The following ANGPT1 variants were observed in gnomAD, a reference collection of about 807,000 sequenced individuals.
ANGPT1 encodes angiopoietin-1.
ANGPT1 carries 17 observed loss-of-function variants against 62.2 expected under a neutral mutation model. That is an observed-to-expected ratio of 0.27 (90% CI 0.19 to 0.41). The LOEUF (loss-of-function observed/expected upper bound fraction) is 0.41, where lower values mean the gene tolerates loss of function less well. Ranked by LOEUF, ANGPT1 falls within the 10% of genes least tolerant of loss-of-function variation. ANGPT1 has a pLI of 1.00. For missense variants in ANGPT1, 478 were observed against 594.9 expected, an observed-to-expected ratio of 0.80 and a Z score of 2.04; for synonymous variants, 199 against 198.9, an observed-to-expected ratio of 1.00 and a Z score of 0.00.
At chr8:107,492,476 C>T (rs1033354398) in intron 1 of ANGPT1, among the ~76,000 whole-genome samples, 10 of 152,284 alleles carry the variant, frequency 6.6e-5, no homozygotes, top group African/African-American at 1.9e-4. Flanking sequence ...GCTGGGATTA[C>T]AGGCACACAC....
intron 8 of ANGPT1, among the ~76,000 whole-genome samples, chr8:107,254,304 CGTT>C (rs1665551647): frequency 6.6e-6 from 1 of 151,772 alleles, no homozygotes; most frequent in African/African-American, 2.4e-5. Context: ...TATTGTGAAA[CGTT>C]GTTACACAAT....
chr8:107,308,566 G>T lies in ANGPT1; in HGVS notation c.809-5199C>A, dbSNP rs570472814. On this transcript the variant is annotated intron_variant, in intron 4 of 8. Coordinates refer to ENST00000517746, the MANE Select transcript of ANGPT1 (RefSeq NM_001146.5). ...TGCAAGAATATACTCCTTCTGCCAGGTGGACACCAGGAAGGCTACCTAGAA... is the reference window on the plus strand; with the variant it reads ...TGCAAGAATATACTCCTTCTGCCAGTTGGACACCAGGAAGGCTACCTAGAA... Among the ~76,000 whole-genome samples, 11 of 152,204 alleles carry T rather than the reference G, an allele frequency of 7.2e-5. No individual in the cohort carries two copies. The East Asian group carries it at 1.4e-3, about 19-fold the overall frequency.
At chr8:107,418,230 T>C (rs1024619904) in intron 1 of ANGPT1, among the ~76,000 whole-genome samples, 3 of 152,206 alleles carry the variant, frequency 2.0e-5, no homozygotes, top group Non-Finnish European at 2.9e-5. Flanking sequence ...AGTAATTTAC[T>C]TTATCTTCTC....
At chr8:107,445,126 G>T (rs1811582995) in intron 1 of ANGPT1, among the ~76,000 whole-genome samples, 1 of 152,058 alleles carries the variant, frequency 6.6e-6, no homozygotes, top group Non-Finnish European at 1.5e-5. Flanking sequence ...TGCCTATAGA[G>T]AATCACATCA....
intron 1 of ANGPT1, among the ~76,000 whole-genome samples, chr8:107,382,017 G>T (rs533973393): frequency 6.6e-6 from 1 of 152,004 alleles, no homozygotes; most frequent in African/African-American, 2.4e-5. Context: ...TTTATATCAG[G>T]AATTTTTACT....
intron 1 of ANGPT1, among the ~76,000 whole-genome samples, chr8:107,485,701 C>T (rs922327876): frequency 6.6e-6 from 1 of 152,290 alleles, no homozygotes; most frequent in African/African-American, 2.4e-5. Flanking sequence ...CTCCAAATGA[C>T]CCACAAAAGG....
intron 1 of ANGPT1, among the ~76,000 whole-genome samples, chr8:107,446,091 G>A (rs549923572): frequency 1.7e-3 from 253 of 152,008 alleles, no homozygotes; most frequent in African/African-American, 5.5e-3. Context: ...TTAACTTTTC[G>A]TATTTTTAGT....
intron 7 of ANGPT1, among the ~76,000 whole-genome samples, chr8:107,271,103 TAAGCC>T (rs1813723429): frequency 1.3e-5 from 2 of 152,020 alleles, no homozygotes; most frequent in African/African-American, 4.8e-5. Flanking sequence ...GAGAAATAAA[TAAGCC>T]ATTGGCTTCT....
chr8:107,291,601 C>T lies in ANGPT1; in HGVS notation c.1038+2335G>A, dbSNP rs188066612. Among the ~76,000 whole-genome samples, 514 of 151,914 alleles carry T rather than the reference C, an allele frequency of 3.4e-3. 2 individuals are homozygous for T. Among genetic ancestry groups the T allele is most frequent in the Middle Eastern group, 0.01 (3 of 294 alleles). On this transcript the variant is annotated intron_variant, in intron 6 of 8. Coordinates refer to ENST00000517746, the MANE Select transcript of ANGPT1 (RefSeq NM_001146.5). ...TAATTTTTTGTTGTTTTAGTAGAGA[C>T]GGGGTTTCACCATATTGGCCAAGAT...
chr8:107,494,257 A>T (rs555897577), intron 1 of ANGPT1, among the ~76,000 whole-genome samples: 12 of 152,356 alleles, frequency 7.9e-5, no homozygotes, highest in African/African-American at 2.9e-4. Context: ...TGTGGGAGAC[A>T]GAAAACAATA....
At chr8:107,349,115 AAGG>A (rs1815873953) in intron 1 of ANGPT1, among the ~76,000 whole-genome samples, 1 of 123,248 alleles carries the variant, frequency 8.1e-6, no homozygotes, top group South Asian at 2.8e-4. Flanking sequence ...GATGTTAGAT[AAGG>A]AGATTAGATA....
At chr8:107,298,172 C>T (rs116281282) in intron 5 of ANGPT1, among the ~76,000 whole-genome samples, 5,050 of 151,884 alleles carry the variant, frequency 0.033, 251 homozygotes, top group African/African-American at 0.11. Flanking sequence ...CCAAACAAAA[C>T]GGGGAAATTT....
At chr8:107,299,660 TAGAC>T (rs1222209128) in intron 5 of ANGPT1, among the ~76,000 whole-genome samples, 2 of 137,342 alleles carry the variant, frequency 1.5e-5, no homozygotes, top group African/African-American at 2.6e-5. Flanking sequence ...TATCTATATA[TAGAC>T]ATATAGTTAT....
At chr8:107,475,090 A>G (rs540803274) in intron 1 of ANGPT1, among the ~76,000 whole-genome samples, 7 of 152,322 alleles carry the variant, frequency 4.6e-5, no homozygotes, top group African/African-American at 1.4e-4. Context: ...AGTACTTTAA[A>G]GTTCATATGG....
chr8:107,354,717 T>C (rs2130183816), intron 1 of ANGPT1, among the ~76,000 whole-genome samples: 1 of 152,320 alleles, frequency 6.6e-6, no homozygotes, highest in South Asian at 2.1e-4. Flanking sequence ...CTAGAATCTC[T>C]GAATCGCTTA....
chr8:107,379,940 G>A (rs971050810), intron 1 of ANGPT1, among the ~76,000 whole-genome samples: 1 of 152,250 alleles, frequency 6.6e-6, no homozygotes, highest in African/African-American at 2.4e-5. Flanking sequence ...TTGGGGTCTT[G>A]AGATATCCCA....
intron 1 of ANGPT1, among the ~76,000 whole-genome samples, chr8:107,397,860 C>A (rs933706125): frequency 2.6e-5 from 4 of 152,132 alleles, no homozygotes; most frequent in Admixed American, 2.0e-4. Flanking sequence ...TAAAACATTT[C>A]CTTCTGAGCA....
At chr8:107,296,640 G>GA (rs1005187978) in intron 5 of ANGPT1, among the ~76,000 whole-genome samples, 1 of 151,848 alleles carries the variant, frequency 6.6e-6, no homozygotes, top group South Asian at 2.1e-4. Flanking sequence ...ATTCAAATGA[G>GA]AAAAAAGGGA....
At chr8:107,448,063 C>T (rs1393843663) in intron 1 of ANGPT1, among the ~76,000 whole-genome samples, 2 of 152,116 alleles carry the variant, frequency 1.3e-5, no homozygotes, top group Non-Finnish European at 2.9e-5. Flanking sequence ...TACACAATCT[C>T]TGGGATTTAC....
Sources: allele counts gnomAD v4.1 joint callset (sites outside exome capture counted in the v4.1 genomes callset), GRCh38; gene constraint gnomAD v4.1.1; transcripts MANE v1.5; gene names NCBI Gene and HGNC (gene_info 2026-07-23, HGNC 2026-07-21).